UNC13A: variants seen among roughly 807,000 people sequenced by gnomAD.
The protein encoded by UNC13A is protein unc-13 homolog A.
Under a neutral mutation model 219.7 loss-of-function variants are expected in UNC13A, and 61 were observed. The ratio of observed to expected loss-of-function variants is 0.28; its 90% CI spans 0.23 to 0.34. The LOEUF is 0.34. UNC13A is among the 10% of genes least tolerant of loss of function. The pLI is 1.00. For missense variants in UNC13A, 1,476 were observed against 2,270.3 expected (o/e 0.65, Z 7.11); for synonymous variants, 920 against 884.6 (o/e 1.04, Z -0.71).
intron 25 of UNC13A, among the ~76,000 whole-genome samples, chr19:17,638,710 T>G (rs1243208341): frequency 6.6e-6 from 1 of 151,762 alleles, no homozygotes; most frequent in Non-Finnish European, 1.5e-5. Context: ...GCACCTGTAA[T>G]CCCAGCTACT....
Position 17,674,301 on chromosome 19 carries a change from G to A in UNC13A, c.152+356C>T, listed in dbSNP as rs528148017. The stretch of plus-strand genomic sequence containing the variant: ...CACGGGGAAGGCTGTGGGTTTTATT[G>A]TGAGGTCGATGAGCCACGGACAAGT... On this transcript the variant is annotated intron_variant, in intron 3 of 43. Coordinates refer to ENST00000519716, the MANE Select transcript of UNC13A (RefSeq NM_001080421.3). The surrounding 1 kb of genome is among the most constrained non-coding windows in gnomAD (Gnocchi z 5.0). Among the ~76,000 whole-genome samples, 30 of 152,350 alleles carry A rather than the reference G, an allele frequency of 2.0e-4. No individual in the cohort carries two copies. In the East Asian group the frequency reaches 5.4e-3, roughly 27 times the overall value.
At chr19:17,611,591 C>T (rs1238930432) in intron 42 of UNC13A, among the ~76,000 whole-genome samples, 172 bp downstream of exon 42, 1 of 152,204 alleles carries the variant, frequency 6.6e-6, no homozygotes, top group African/African-American at 2.4e-5. Context: ...TTCAGTCTTA[C>T]AAAACTGTTT....
chr19:17,631,072 C>T (rs945695654), intron 28 of UNC13A, among the ~76,000 whole-genome samples: 1 of 126,522 alleles, frequency 7.9e-6, no homozygotes, highest in Non-Finnish European at 1.7e-5. Flanking sequence ...TCCCTCCCTC[C>T]CTCCTTCCTT....
intron 7 of UNC13A, among the ~76,000 whole-genome samples, chr19:17,664,777 G>GGGTA (rs1481286488): frequency 4.6e-5 from 7 of 152,164 alleles, no homozygotes; most frequent in African/African-American, 1.7e-4. Context: ...TGTGGAAACA[G>GGGTA]GGTACCCCAG....
intron 6 of UNC13A, 68 bp from the exon 7 acceptor site, chr19:17,666,772 C>A: frequency 1.5e-6 from 2 of 1,309,070 alleles, no homozygotes; most frequent in Non-Finnish European, 2.0e-6. Flanking sequence ...CCAGGATAGT[C>A]CTCTGTTCTG....
At chr19:17,635,941 A>G in intron 26 of UNC13A, 83 bp downstream of exon 26, 1 of 1,487,432 alleles carries the variant, frequency 6.7e-7, no homozygotes, top group African/African-American at 1.4e-5. Context: ...ATTAGACAAA[A>G]TCATCTTGAC....
chr19:17,619,404 A>C (rs1191712133), intron 38 of UNC13A, among the ~76,000 whole-genome samples: 1 of 151,578 alleles, frequency 6.6e-6, no homozygotes, highest in Admixed American at 6.6e-5. Context: ...TTTCCCCTGT[A>C]ATCTGGGAGG....
chr19:17,647,250 C>T lies in UNC13A; in HGVS notation c.2044+15G>A. 1 of 1,546,970 alleles carries T rather than the reference C, an allele frequency of 6.5e-7. No individual in the cohort carries two copies. ...TGGAGAAGGAGGGGCCCTATGGCGG[C>T]CCACGCCCCCTCACCGGTGATGCTG... is the stretch of plus-strand genomic sequence containing the variant. On this transcript the variant is annotated intron_variant, in intron 17 of 43. Coordinates refer to ENST00000519716, the MANE Select transcript of UNC13A (RefSeq NM_001080421.3).
chr19:17,642,691 G>T (rs1336068194), intron 20 of UNC13A, among the ~76,000 whole-genome samples, 154 bp downstream of exon 20: 2 of 152,186 alleles, frequency 1.3e-5, no homozygotes, highest in African/African-American at 4.8e-5. Context: ...GACTTTGATG[G>T]ATAGGGAGGA....
In UNC13A at chr19:17,669,688, G is replaced by A. The variant is rs769683874; in HGVS notation, c.271-12C>T. On this transcript the variant is annotated splice_polypyrimidine_tract_variant and intron_variant, in intron 4 of 43. Transcript: ENST00000519716. Reference sequence around the variant, plus strand: ...TCTCCAGGGCCCTCCTGGGGGTTGGGGGAGGAGGTGTGTGGGTCAGGAATC... The same window carrying A: ...TCTCCAGGGCCCTCCTGGGGGTTGGAGGAGGAGGTGTGTGGGTCAGGAATC... The A allele has an allele frequency of 1.7e-5, 27 of 1,601,666 alleles. No individual in the cohort carries two copies. The South Asian group carries it at 2.7e-4, about 16-fold the overall frequency.
chr19:17,623,572 CGGTGGGGGAGGGGG>C, intron 35 of UNC13A, 25 bp from the exon 36 acceptor site: 1 of 264,602 alleles, frequency 3.8e-6, no homozygotes, highest in Non-Finnish European at 6.7e-6. Flanking sequence ...GGGGGCGGGG[CGGTGGGGGAGGGGG>C]GAATAAGGTA....
At chr19:17,620,634 G>A (rs1381779807) in intron 38 of UNC13A, 59 bp downstream of exon 38, 1 of 1,535,464 alleles carries the variant, frequency 6.5e-7, no homozygotes, top group Non-Finnish European at 8.9e-7. Flanking sequence ...AGGGGGCACA[G>A]GGGTGGGGTG....
Position 17,617,481 on chromosome 19 carries a change from A to C in UNC13A, c.4558+221T>G, listed in dbSNP as rs188881764. On this transcript the variant is annotated intron_variant, in intron 41 of 43. Coordinates refer to ENST00000519716, the MANE Select transcript of UNC13A (RefSeq NM_001080421.3). ...TCATTGTCTGGCCCCAGGACATCAC[A>C]GATTTTCCCAGGGGTTGACGATCAC... Among the ~76,000 whole-genome samples the C allele has an allele frequency of 4.0e-3, 608 of 152,240 alleles. No individual in the cohort carries two copies. The highest frequency in any genetic ancestry group is 0.014 in the African/African-American group (593 of 41,540).
At chr19:17,628,069 A>G in intron 31 of UNC13A, 129 bp from the exon 32 acceptor site, 1 of 803,848 alleles carries the variant, frequency 1.2e-6, no homozygotes, top group South Asian at 1.5e-5. Context: ...CCATGGGGTC[A>G]CCTGCAAATG....
intron 28 of UNC13A, among the ~76,000 whole-genome samples, chr19:17,631,175 CTCCTTTCCT>C (rs1310168845): frequency 0.16 from 3,841 of 24,570 alleles, 598 homozygotes; most frequent in African/African-American, 0.23. Flanking sequence ...CCCTCCCTCC[CTCCTTTCCT>C]TCCTTCCCTC....
At chr19:17,634,929 T>C (rs1025892823) in intron 26 of UNC13A, among the ~76,000 whole-genome samples, 5 of 151,966 alleles carry the variant, frequency 3.3e-5, no homozygotes, top group Non-Finnish European at 5.9e-5. Context: ...TGGAGTGCAG[T>C]GGCCAATCTC....
At chr19:17,658,962 G>A (rs1055447619) in intron 8 of UNC13A, among the ~76,000 whole-genome samples, 2 of 151,438 alleles carry the variant, frequency 1.3e-5, no homozygotes, top group Non-Finnish European at 2.9e-5. Flanking sequence ...AAAAAGAACA[G>A]TTTGTTTTCT....
intron 6 of UNC13A, 26 bp downstream of exon 6, chr19:17,668,091 C>T: frequency 6.2e-7 from 1 of 1,609,556 alleles, no homozygotes; most frequent in Non-Finnish European, 8.5e-7. Flanking sequence ...AAGGAAGAAA[C>T]AGTCCCCTCC....
intron 34 of UNC13A, 50 bp downstream of exon 34, chr19:17,626,583 C>T (rs1394447849): frequency 1.3e-6 from 2 of 1,491,250 alleles, no homozygotes; most frequent in African/African-American, 1.4e-5. Flanking sequence ...GTCTCTATGG[C>T]CCTGCCCCAG....
Sources: allele counts gnomAD v4.1 joint callset (sites outside exome capture counted in the v4.1 genomes callset), GRCh38; gene constraint gnomAD v4.1.1; non-coding constraint Gnocchi (gnomAD v3.1); transcripts MANE v1.5; gene names NCBI Gene and HGNC (gene_info 2026-07-23, HGNC 2026-07-21).